The following RASAL2 variants were observed in gnomAD, a reference collection of about 807,000 sequenced individuals.
RASAL2 encodes the protein ras GTPase-activating protein nGAP.
A neutral mutation model predicts 128.9 loss-of-function variants in RASAL2; 58 were observed. The ratio of observed to expected loss-of-function variants is 0.45; its 90% CI spans 0.36 to 0.56. The LOEUF (loss-of-function observed/expected upper bound fraction) is 0.56. Among genes scored for constraint, RASAL2 ranks in the 20% least tolerant of loss-of-function variants. The pLI is 0.00. For synonymous variants in RASAL2, 561 were observed against 580.8 expected (o/e 0.97, Z 0.49); for missense variants, 1,360 against 1,601.6 (o/e 0.85, Z 2.57).
At chr1:178,154,337 G>A (rs898635431) in intron 1 of RASAL2, among the ~76,000 whole-genome samples, 3 of 151,988 alleles carry the variant, frequency 2.0e-5, no homozygotes, top group Non-Finnish European at 2.9e-5. Flanking sequence ...TTGTGGAGAC[G>A]TGGGTCTCCC....
chr1:178,290,162 TTTTG>T (rs1373812740), intron 2 of RASAL2, among the ~76,000 whole-genome samples: 1 of 152,222 alleles, frequency 6.6e-6, no homozygotes, highest in Non-Finnish European at 1.5e-5. Context: ...TGAGCAAAGA[TTTTG>T]TTTGTTTTGT....
At chr1:178,435,270 G>GC (rs1465624505) in intron 5 of RASAL2, among the ~76,000 whole-genome samples, 2 of 152,094 alleles carry the variant, frequency 1.3e-5, no homozygotes, top group Non-Finnish European at 2.9e-5. Flanking sequence ...GCACCACCAA[G>GC]CCTCATTGGA....
intron 1 of RASAL2, among the ~76,000 whole-genome samples, chr1:178,174,049 T>C (rs931764170): frequency 6.6e-6 from 1 of 152,046 alleles, no homozygotes; most frequent in Non-Finnish European, 1.5e-5. Context: ...TTAGGACAGA[T>C]TTTACTTAGT....
intron 1 of RASAL2, among the ~76,000 whole-genome samples, chr1:178,209,874 T>C (rs1032620785): frequency 6.6e-6 from 1 of 152,054 alleles, no homozygotes; most frequent in Non-Finnish European, 1.5e-5. Flanking sequence ...TTCATCTCCA[T>C]TTCCTGGATT....
rs1407813995 is a variant in RASAL2, at chr1:178,476,948, G to A, written c.*3709G>A. ...ACCTCTAGCTTGGAGTTCCTGAGAAGGCTGGTTATAGGACTGAGCGTGGGA... is the reference window on the plus strand; with the variant it reads ...ACCTCTAGCTTGGAGTTCCTGAGAAAGCTGGTTATAGGACTGAGCGTGGGA... On this transcript the variant is annotated 3_prime_UTR_variant, in exon 18 of 18. Transcript: ENST00000367649. 1 of 152,284 alleles carries A rather than the reference G, an allele frequency of 6.6e-6. No individual in the cohort carries two copies. The highest frequency in any genetic ancestry group is 1.5e-5 in the Non-Finnish European group (1 of 68,056). The allele number at this position is 152,284 out of a possible 1,614,324, so 9.4% of individuals were successfully genotyped here.
intron 1 of RASAL2, among the ~76,000 whole-genome samples, chr1:178,128,351 T>C (rs188695756): frequency 1.3e-5 from 2 of 152,290 alleles, no homozygotes; most frequent in East Asian, 3.9e-4. Flanking sequence ...TTAATTTCTC[T>C]GTCTCAGTTC....
At chr1:178,295,064 G>T (rs144392402) in intron 2 of RASAL2, among the ~76,000 whole-genome samples, 255 of 152,248 alleles carry the variant, frequency 1.7e-3, no homozygotes, top group African/African-American at 5.8e-3. Flanking sequence ...CCTCAAAGTT[G>T]TGGAAATTGA....
intron 1 of RASAL2, among the ~76,000 whole-genome samples, chr1:178,150,522 C>T (rs1660876082): frequency 6.6e-6 from 1 of 152,096 alleles, no homozygotes; most frequent in African/African-American, 2.4e-5. Context: ...TAAGAATCTA[C>T]TGGTTTTCTC....
At chr1:178,194,775 G>A (rs1308237611) in intron 1 of RASAL2, 1 of 155,480 alleles carries the variant, frequency 6.4e-6, no homozygotes, top group Non-Finnish European at 1.4e-5. Context: ...CAGTCACCAA[G>A]CAAAGAAAAG....
intron 3 of RASAL2, among the ~76,000 whole-genome samples, chr1:178,363,961 T>A (rs6691696): frequency 0.048 from 7,284 of 151,936 alleles, 579 homozygotes; most frequent in African/African-American, 0.16. Flanking sequence ...CGGGGCCAGG[T>A]GGCAGGCACC....
chr1:178,322,111 G>A (rs1198939561), intron 3 of RASAL2, among the ~76,000 whole-genome samples: 1 of 151,976 alleles, frequency 6.6e-6, no homozygotes, highest in African/African-American at 2.4e-5. Flanking sequence ...GGGAATACAG[G>A]TACAAGCCAC....
At chr1:178,102,883 G>A (rs1286195831) in intron 1 of RASAL2, among the ~76,000 whole-genome samples, 1 of 151,972 alleles carries the variant, frequency 6.6e-6, no homozygotes, top group Non-Finnish European at 1.5e-5. Flanking sequence ...CCTATTCCAC[G>A]TGCATAGAAG....
chr1:178,283,691 G>A lies in RASAL2; in HGVS notation c.330G>A (p.Glu110=). The A allele has an allele frequency of 6.2e-7, 1 of 1,613,248 alleles. No homozygotes were observed. The highest frequency in any genetic ancestry group is 1.3e-5 in the African/African-American group (1 of 74,906). The part of the protein sequence containing the change: ...SQLVLLNKEK[E]IPVEGGQEQQ... ...TGGTATTGCTCAACAAGGAGAAGGA[G>A]GTGAGATGGATATTATTCAGGAAAG... Residue 110 remains glutamate, a splice_region_variant and synonymous_variant, in exon 2 of 18, where the codon GAG becomes GAA. Coordinates refer to ENST00000367649, the MANE Select transcript of RASAL2 (RefSeq NM_170692.4).
chr1:178,423,230 T>C (rs1675275622), intron 5 of RASAL2, among the ~76,000 whole-genome samples: 1 of 152,116 alleles, frequency 6.6e-6, no homozygotes, highest in Admixed American at 6.6e-5. Flanking sequence ...TTGTTTCCCT[T>C]TTTTGGTACA....
chr1:178,398,195 A>T (rs942313634), intron 4 of RASAL2, among the ~76,000 whole-genome samples: 1 of 152,084 alleles, frequency 6.6e-6, no homozygotes, highest in Non-Finnish European at 1.5e-5. Context: ...TTGGCCTACT[A>T]TAAGGGAGAT....
intron 1 of RASAL2, among the ~76,000 whole-genome samples, chr1:178,263,005 C>A (rs764171515): frequency 2.0e-4 from 30 of 151,956 alleles, no homozygotes; most frequent in Admixed American, 4.6e-4. Context: ...AGATTTTTGG[C>A]ACAGCAATAT....
intron 1 of RASAL2, among the ~76,000 whole-genome samples, chr1:178,166,754 G>A (rs752908221): frequency 4.6e-5 from 7 of 151,968 alleles, no homozygotes; most frequent in Admixed American, 1.3e-4. Context: ...GTATTTTTTC[G>A]TGTACTAGGT....
Position 178,420,582 on chromosome 1 carries a change from G to A in RASAL2, c.636G>A (p.Thr212=), listed in dbSNP as rs760480599. 1.1e-5 allele frequency: 17 copies of A among 1,612,674 alleles called. No individual in the cohort carries two copies. In the South Asian group the frequency reaches 1.2e-4, roughly 11 times the overall value. The change falls in exon 5 of 18, where the codon ACG becomes ACA. Residue 212 remains threonine, a synonymous_variant. Coordinates refer to ENST00000367649, the MANE Select transcript of RASAL2 (RefSeq NM_170692.4). ...TKSQSKLDRN[T]SFRLPSLRST... Reference sequence around the variant, plus strand: ...GCCAGTCAAAGCTTGACAGAAACACGAGCTTTCGGCTTCCATCCCTTCGCA... The same window carrying A: ...GCCAGTCAAAGCTTGACAGAAACACAAGCTTTCGGCTTCCATCCCTTCGCA...
At chr1:178,108,048 T>C (rs1229055765) in intron 1 of RASAL2, among the ~76,000 whole-genome samples, 2 of 152,192 alleles carry the variant, frequency 1.3e-5, no homozygotes, top group Non-Finnish European at 2.9e-5. Flanking sequence ...ACAGCAGCTG[T>C]ATGTACCCTT....
Sources: allele counts gnomAD v4.1 joint callset (sites outside exome capture counted in the v4.1 genomes callset), GRCh38; gene constraint gnomAD v4.1.1; transcripts MANE v1.5; gene names NCBI Gene and HGNC (gene_info 2026-07-23, HGNC 2026-07-21).